THSD7B: variants seen among roughly 807,000 people sequenced by gnomAD.
THSD7B encodes the protein thrombospondin type-1 domain-containing protein 7B.
In THSD7B, 138 loss-of-function variants were observed where a neutral mutation model predicts 213.6. That is an observed-to-expected ratio of 0.65 (90% CI 0.56 to 0.74). THSD7B has a LOEUF of 0.74. Ranked by LOEUF, THSD7B falls within the 30% of genes least tolerant of loss-of-function variation. THSD7B has a pLI of 0.00. For missense variants in THSD7B, 1,931 were observed against 1,991.5 expected, an observed-to-expected ratio of 0.97 and a Z score of 0.58; for synonymous variants, 742 against 687.0, an observed-to-expected ratio of 1.08 and a Z score of -1.25.
chr2:137,356,333 A>G (rs562025232), intron 12 of THSD7B, among the ~76,000 whole-genome samples: 2 of 152,226 alleles, frequency 1.3e-5, no homozygotes, highest in South Asian at 4.2e-4. Flanking sequence ...AATCCACCTT[A>G]AAAATTAGAT....
intron 2 of THSD7B, among the ~76,000 whole-genome samples, chr2:136,916,467 C>T (rs773226293): frequency 1.3e-5 from 2 of 152,170 alleles, no homozygotes; most frequent in African/African-American, 4.8e-5. Context: ...GCTTAGTTAG[C>T]CCTGTAACAC....
chr2:137,158,409 G>C (rs1454058961), intron 5 of THSD7B, among the ~76,000 whole-genome samples: 1 of 152,032 alleles, frequency 6.6e-6, no homozygotes, highest in Non-Finnish European at 1.5e-5. Flanking sequence ...CCTAATACCT[G>C]TTCTCTCTTC....
intron 21 of THSD7B, among the ~76,000 whole-genome samples, chr2:137,647,274 A>G (rs1436664195): frequency 6.6e-6 from 1 of 152,142 alleles, no homozygotes; most frequent in Non-Finnish European, 1.5e-5. Flanking sequence ...AAGAAGGAGG[A>G]GACACTCAGT....
chr2:137,624,640 C>A (rs572082410), intron 20 of THSD7B, among the ~76,000 whole-genome samples: 5 of 152,238 alleles, frequency 3.3e-5, no homozygotes, highest in Admixed American at 1.3e-4. Context: ...AAAAATCAAA[C>A]AACCTCATCA....
chr2:137,568,868 G>A (rs570942575), intron 16 of THSD7B, among the ~76,000 whole-genome samples: 79 of 152,292 alleles, frequency 5.2e-4, no homozygotes, highest in Admixed American at 2.0e-3. Flanking sequence ...TGGAAACCTA[G>A]TGAAACAGGA....
chr2:137,373,118 T>C (rs958221367), intron 12 of THSD7B, among the ~76,000 whole-genome samples: 10 of 152,142 alleles, frequency 6.6e-5, no homozygotes, highest in African/African-American at 2.2e-4. Context: ...TTGGGTTGGT[T>C]CCAAGTCTCT....
At chr2:137,175,545 A>G (rs1384793611) in intron 7 of THSD7B, among the ~76,000 whole-genome samples, 1 of 152,230 alleles carries the variant, frequency 6.6e-6, no homozygotes, top group Non-Finnish European at 1.5e-5. Flanking sequence ...GCACGGCACT[A>G]GGAATGATTT....
chr2:137,173,012 A>G (rs1315297221), intron 7 of THSD7B, among the ~76,000 whole-genome samples: 6 of 152,132 alleles, frequency 3.9e-5, no homozygotes, highest in Non-Finnish European at 5.9e-5. Context: ...TGTCTCAGGA[A>G]ATTTATTTAA....
chr2:137,006,320 G>A (rs1049414462), intron 2 of THSD7B, among the ~76,000 whole-genome samples: 51 of 152,094 alleles, frequency 3.4e-4, no homozygotes, highest in Admixed American at 1.3e-3. Context: ...GCATGAACCC[G>A]GGAGGCGGAG....
At chr2:137,358,296 C>T (rs1454393348) in intron 12 of THSD7B, among the ~76,000 whole-genome samples, 1 of 152,116 alleles carries the variant, frequency 6.6e-6, no homozygotes, top group Non-Finnish European at 1.5e-5. Context: ...ATCTTATTTC[C>T]TCTTTCTCTT....
At position 136,986,370 on chromosome 2, in the gene THSD7B, A is replaced by G. The variant is rs77491665; in HGVS notation, c.140-70050A>G. On this transcript the variant is annotated intron_variant, in intron 2 of 27. Transcript: ENST00000409968. ...GTTATTTCATGTGAAATCGAATTCA[A>G]AAGTCTAGGACCACCCCCTCCTCAC... Among the ~76,000 whole-genome samples, 104 of 152,246 alleles carry G rather than the reference A, an allele frequency of 6.8e-4. 1 individual carries two copies. In the East Asian group the frequency reaches 0.016, roughly 23 times the overall value.
chr2:137,672,448 C>T (rs538903880), intron 27 of THSD7B, among the ~76,000 whole-genome samples: 1 of 152,270 alleles, frequency 6.6e-6, no homozygotes, highest in South Asian at 2.1e-4. Context: ...TTAGACTCAA[C>T]ATAATGTCTA....
intron 12 of THSD7B, among the ~76,000 whole-genome samples, chr2:137,293,797 T>C (rs1683394090): frequency 9.9e-5 from 15 of 152,198 alleles, no homozygotes; most frequent in Admixed American, 9.8e-4. Context: ...TACTTCATCA[T>C]GTCACCTGGA....
chr2:137,158,402 A>G (rs1679949478), intron 5 of THSD7B, among the ~76,000 whole-genome samples: 1 of 152,058 alleles, frequency 6.6e-6, no homozygotes, highest in Admixed American at 6.5e-5. Context: ...ACATTCCCCT[A>G]ATACCTGTTC....
At chr2:137,588,190 A>G (rs578013481) in intron 17 of THSD7B, among the ~76,000 whole-genome samples, 154 of 152,264 alleles carry the variant, frequency 1.0e-3, no homozygotes, top group African/African-American at 3.6e-3. Flanking sequence ...AAAAAGTGCA[A>G]TATTAGGGTG....
intron 2 of THSD7B, among the ~76,000 whole-genome samples, chr2:137,019,408 A>G (rs1686400136): frequency 6.6e-6 from 1 of 152,240 alleles, no homozygotes; most frequent in Admixed American, 6.5e-5. Flanking sequence ...TGTGGCTGTC[A>G]GTTACCACGG....
intron 1 of THSD7B, among the ~76,000 whole-genome samples, chr2:136,773,235 A>T (rs1041103658): frequency 6.6e-6 from 1 of 152,070 alleles, no homozygotes; most frequent in South Asian, 2.1e-4. Context: ...GCCAGACGCT[A>T]CTCTACGTGG....
At chr2:137,147,963 G>T (rs1318682107) in intron 5 of THSD7B, among the ~76,000 whole-genome samples, 1 of 152,118 alleles carries the variant, frequency 6.6e-6, no homozygotes, top group Non-Finnish European at 1.5e-5. Flanking sequence ...TAAGAAGAAA[G>T]AATTTGTGCT....
chr2:137,308,788 C>A (rs537124467), intron 12 of THSD7B, among the ~76,000 whole-genome samples: 1 of 152,210 alleles, frequency 6.6e-6, no homozygotes. Flanking sequence ...ACCTTCCAAA[C>A]ATTTATCTAT....
Sources: allele counts gnomAD v4.1 joint callset (sites outside exome capture counted in the v4.1 genomes callset), GRCh38; gene constraint gnomAD v4.1.1; transcripts MANE v1.5; gene names NCBI Gene and HGNC (gene_info 2026-07-23, HGNC 2026-07-21).